SNTG1: variants seen among roughly 807,000 people sequenced by gnomAD.
SNTG1 encodes the protein syntrophin gamma 1.
SNTG1 carries 39 observed loss-of-function variants against 74.7 expected under a neutral mutation model. The observed-to-expected ratio is 0.52, with a 90% CI of 0.40 to 0.68. SNTG1 has a LOEUF of 0.68. Ranked by LOEUF, SNTG1 falls within the 30% of genes least tolerant of loss-of-function variation. SNTG1 has a pLI of 0.00. For synonymous variants in SNTG1, 254 were observed against 217.1 expected (o/e 1.17, Z -1.49); for missense variants, 685 against 609.5 (o/e 1.12, Z -1.30).
chr8:50,494,423 A>C (rs906638248), intron 8 of SNTG1, among the ~76,000 whole-genome samples: 4 of 151,980 alleles, frequency 2.6e-5, no homozygotes, highest in African/African-American at 9.7e-5. Context: ...AATTTACTTT[A>C]ATAAAATGGT....
At chr8:50,395,565 G>A (rs2092718120) in intron 3 of SNTG1, among the ~76,000 whole-genome samples, 1 of 143,870 alleles carries the variant, frequency 7.0e-6, no homozygotes, top group Admixed American at 7.1e-5. Flanking sequence ...GTGCAGTGGC[G>A]CGATCTCGGC....
rs183793474 is a variant in SNTG1, at chr8:50,783,262, C to T, written c.1396-9409C>T. Among the ~76,000 whole-genome samples the T allele has an allele frequency of 3.7e-3, 565 of 152,320 alleles. 4 individuals carry two copies. Among genetic ancestry groups the T allele is most frequent in the African/African-American group, 0.013 (523 of 41,584 alleles). ...GGGACATTTAAGACTGCAGAGGTTACTGCTGTCTTTTTGTTTGTCTGTGCC... is the reference window on the plus strand; with the variant it reads ...GGGACATTTAAGACTGCAGAGGTTATTGCTGTCTTTTTGTTTGTCTGTGCC... On this transcript the variant is annotated intron_variant, in intron 18 of 18. Coordinates refer to ENST00000642720, the MANE Select transcript of SNTG1 (RefSeq NM_018967.5).
At chr8:50,067,165 CTCTT>C (rs1300390942) in intron 1 of SNTG1, among the ~76,000 whole-genome samples, 3 of 152,156 alleles carry the variant, frequency 2.0e-5, no homozygotes, top group African/African-American at 7.2e-5. Flanking sequence ...GCTGCTGTCT[CTCTT>C]TCATTTGTTT....
chr8:50,655,768 A>G (rs1193201696), intron 13 of SNTG1, among the ~76,000 whole-genome samples: 1 of 152,190 alleles, frequency 6.6e-6, no homozygotes, highest in African/African-American at 2.4e-5. Context: ...TTATTAGTCA[A>G]CTGTCACCAC....
chr8:50,584,806 G>A (rs537087449), intron 12 of SNTG1, among the ~76,000 whole-genome samples: 1 of 152,180 alleles, frequency 6.6e-6, no homozygotes, highest in African/African-American at 2.4e-5. Flanking sequence ...ATCTGGCACC[G>A]ACCACAACTG....
chr8:50,170,833 G>A (rs950677051), intron 1 of SNTG1, among the ~76,000 whole-genome samples: 1 of 152,244 alleles, frequency 6.6e-6, no homozygotes, highest in Non-Finnish European at 1.5e-5. Context: ...CTGGCCAAGG[G>A]CTGCTCTGGG....
intron 10 of SNTG1, among the ~76,000 whole-genome samples, chr8:50,532,307 T>G (rs1040123720): frequency 3.3e-5 from 5 of 152,224 alleles, no homozygotes; most frequent in African/African-American, 1.2e-4. Context: ...AATGCATTTT[T>G]GTTGAGAACT....
intron 13 of SNTG1, among the ~76,000 whole-genome samples, chr8:50,627,552 T>C (rs1230607249): frequency 6.6e-6 from 1 of 152,096 alleles, no homozygotes; most frequent in African/African-American, 2.4e-5. Flanking sequence ...AATTCCCCAG[T>C]GTTAGGCATT....
intron 2 of SNTG1, among the ~76,000 whole-genome samples, chr8:50,370,230 A>C (rs1423458599): frequency 6.6e-6 from 1 of 152,172 alleles, no homozygotes; most frequent in Admixed American, 6.5e-5. Flanking sequence ...GCGTGCTATG[A>C]AGGAGCTCTT....
intron 4 of SNTG1, among the ~76,000 whole-genome samples, chr8:50,425,568 T>A (rs953178097): frequency 2.6e-5 from 4 of 152,062 alleles, no homozygotes; most frequent in African/African-American, 9.7e-5. Context: ...ATAATAATAA[T>A]AATAGAAATA....
chr8:50,502,901 G>A (rs769221617), intron 9 of SNTG1, 21 bp downstream of exon 9: 2 of 1,542,664 alleles, frequency 1.3e-6, no homozygotes, highest in South Asian at 1.1e-5. Flanking sequence ...ATAAAGAATA[G>A]ATAAAAGTGC....
At chr8:50,503,361 T>C (rs963448043) in intron 9 of SNTG1, among the ~76,000 whole-genome samples, 6 of 152,226 alleles carry the variant, frequency 3.9e-5, no homozygotes, top group Non-Finnish European at 7.3e-5. Context: ...TTTTCTAAAA[T>C]GAAATGTATA....
intron 12 of SNTG1, among the ~76,000 whole-genome samples, chr8:50,558,050 A>G (rs1451605416): frequency 6.6e-6 from 1 of 152,150 alleles, no homozygotes; most frequent in African/African-American, 2.4e-5. Flanking sequence ...CCAGAAATCC[A>G]AGGCTCTTCT....
At chr8:50,307,469 C>G (rs551280053) in intron 2 of SNTG1, among the ~76,000 whole-genome samples, 23 of 151,846 alleles carry the variant, frequency 1.5e-4, no homozygotes, top group African/African-American at 5.5e-4. Context: ...AAAAAATTTC[C>G]TCTCTTCCAT....
chr8:50,104,100 C>T (rs560712118), intron 1 of SNTG1, among the ~76,000 whole-genome samples: 12 of 152,240 alleles, frequency 7.9e-5, no homozygotes, highest in Admixed American at 3.3e-4. Flanking sequence ...AGGAGTCCCC[C>T]TTTTTCTATT....
At chr8:50,382,080 C>T (rs1046382196) in intron 2 of SNTG1, 3 of 151,764 alleles carry the variant, frequency 2.0e-5, no homozygotes, top group African/African-American at 4.8e-5. Context: ...TCTAGCCATG[C>T]TGGCAGCTGA....
At chr8:50,083,068 GGTTAAACTA>G (rs1822559019) in intron 1 of SNTG1, among the ~76,000 whole-genome samples, 1 of 152,078 alleles carries the variant, frequency 6.6e-6, no homozygotes, top group Non-Finnish European at 1.5e-5. Flanking sequence ...TTCCAATTTG[GGTTAAACTA>G]CTATGCCAAC....
intron 13 of SNTG1, among the ~76,000 whole-genome samples, chr8:50,608,660 C>T (rs1290615926): frequency 1.3e-5 from 2 of 151,804 alleles, no homozygotes; most frequent in African/African-American, 2.4e-5. Flanking sequence ...TTCAGACTGA[C>T]AATATCTACC....
intron 17 of SNTG1, among the ~76,000 whole-genome samples, chr8:50,745,852 G>T (rs574442018): frequency 1.3e-5 from 2 of 152,006 alleles, no homozygotes; most frequent in East Asian, 3.9e-4. Context: ...TAGAATAAAG[G>T]GTGCCTGGGG....
Sources: allele counts gnomAD v4.1 joint callset (sites outside exome capture counted in the v4.1 genomes callset), GRCh38; gene constraint gnomAD v4.1.1; transcripts MANE v1.5; gene names NCBI Gene and HGNC (gene_info 2026-07-23, HGNC 2026-07-21).